The following LYPD6 variants were observed in gnomAD, a reference collection of about 807,000 sequenced individuals.
The protein encoded by LYPD6 is LY6/PLAUR domain containing 6.
In LYPD6, 15 loss-of-function variants were observed where a neutral mutation model predicts 22.7. The observed-to-expected ratio is 0.66, with a 90% confidence interval of 0.44 to 1.02. The LOEUF (loss-of-function observed/expected upper bound fraction) is 1.02. LYPD6 is among the 50% of genes least tolerant of loss of function. The pLI, the probability that LYPD6 is intolerant of heterozygous loss-of-function variation, is 0.00. For missense variants in LYPD6, 189 were observed against 208.4 expected (o/e 0.91, Z 0.57); for synonymous variants, 72 against 77.5 (o/e 0.93, Z 0.37).
intron 2 of LYPD6, among the ~76,000 whole-genome samples, chr2:149,440,693 C>CTTTTTTTTT (rs764789006): frequency 3.3e-5 from 3 of 91,066 alleles, no homozygotes; most frequent in Non-Finnish European, 5.9e-5. Context: ...TTCTGTCCAC[C>CTTTTTTTTT]TTTTTTTTTT....
intron 1 of LYPD6, among the ~76,000 whole-genome samples, chr2:149,378,267 G>A (rs755114837): frequency 3.9e-5 from 6 of 152,078 alleles, no homozygotes; most frequent in Non-Finnish European, 8.8e-5. Flanking sequence ...ACAGGTGCCT[G>A]CCACCACGCC....
chr2:149,469,183 T>G (rs1324356835), intron 4 of LYPD6, among the ~76,000 whole-genome samples: 2 of 152,192 alleles, frequency 1.3e-5, no homozygotes, highest in African/African-American at 4.8e-5. Flanking sequence ...GTAGGGCTCA[T>G]GTTGTGACTG....
At chr2:149,405,478 A>G (rs1450410092) in intron 1 of LYPD6, among the ~76,000 whole-genome samples, 4 of 152,084 alleles carry the variant, frequency 2.6e-5, no homozygotes, top group Non-Finnish European at 4.4e-5. Flanking sequence ...TGTATGTGTC[A>G]AGGAATTTAT....
At chr2:149,392,490 C>T (rs1168606800) in intron 1 of LYPD6, among the ~76,000 whole-genome samples, 1 of 152,162 alleles carries the variant, frequency 6.6e-6, no homozygotes, top group Non-Finnish European at 1.5e-5. Context: ...CATAACTCAG[C>T]TCTTCTCTCA....
the LYPD6 span, among the ~76,000 whole-genome samples, chr2:149,481,130 A>T: frequency 1.3e-5 from 2 of 152,206 alleles, no homozygotes; most frequent in African/African-American, 2.4e-5. Context: ...CAGCATGGAG[A>T]ATAGTGCCTG....
Position 149,423,127 on chromosome 2 carries a change from G to A in LYPD6, c.-71-14511G>A, listed in dbSNP as rs114324662. On this transcript the variant is annotated intron_variant, in intron 1 of 4. Transcript: ENST00000334166. Reference sequence around the variant, plus strand: ...TAACCATCTGCCCCCACAGGGCAAGGAGGTACAGGGTGACCTCATATGTAC... The same window carrying A: ...TAACCATCTGCCCCCACAGGGCAAGAAGGTACAGGGTGACCTCATATGTAC... 7.9e-3 allele frequency among the ~76,000 whole-genome samples: 1,200 copies of A among 152,112 alleles called. 8 individuals are homozygous for A. The highest frequency in any genetic ancestry group is 0.028 in the African/African-American group (1,159 of 41,450).
intron 1 of LYPD6, among the ~76,000 whole-genome samples, chr2:149,352,702 G>A (rs1325313386): frequency 6.6e-6 from 1 of 152,232 alleles, no homozygotes; most frequent in Non-Finnish European, 1.5e-5. Context: ...TGGTAAAAGT[G>A]TGTAATTGGG....
chr2:149,380,403 C>T (rs1018347087), intron 1 of LYPD6, among the ~76,000 whole-genome samples: 9 of 152,108 alleles, frequency 5.9e-5, no homozygotes, highest in African/African-American at 1.4e-4. Context: ...GAGGCTTATG[C>T]GACATTCCAG....
At chr2:149,382,574 C>T (rs966727461) in intron 1 of LYPD6, among the ~76,000 whole-genome samples, 6 of 152,206 alleles carry the variant, frequency 3.9e-5, no homozygotes, top group South Asian at 2.1e-4. Flanking sequence ...CTCATGTTGA[C>T]GTCAGTCAGC....
intron 1 of LYPD6, among the ~76,000 whole-genome samples, chr2:149,366,077 T>G (rs937477024): frequency 7.9e-5 from 12 of 152,234 alleles, no homozygotes; most frequent in African/African-American, 2.7e-4. Context: ...TTATTCAAAC[T>G]TGCATTCTGT....
chr2:149,353,348 A>G (rs1036251868), intron 1 of LYPD6, among the ~76,000 whole-genome samples: 1 of 152,248 alleles, frequency 6.6e-6, no homozygotes, highest in African/African-American at 2.4e-5. Flanking sequence ...CTGTATTTGT[A>G]GGAGATGCAA....
intron 3 of LYPD6, among the ~76,000 whole-genome samples, chr2:149,457,958 G>A (rs774658436): frequency 1.8e-4 from 27 of 152,248 alleles, no homozygotes; most frequent in Non-Finnish European, 3.2e-4. Flanking sequence ...AATGCCATAG[G>A]CACTGGCAAA....
At chr2:149,354,883 A>G (rs774136993) in intron 1 of LYPD6, among the ~76,000 whole-genome samples, 33 of 152,210 alleles carry the variant, frequency 2.2e-4, no homozygotes, top group Admixed American at 9.8e-4. Context: ...TCCTGTACTC[A>G]CTCACAATGT....
At chr2:149,409,229 A>G (rs896257442) in intron 1 of LYPD6, among the ~76,000 whole-genome samples, 1 of 152,142 alleles carries the variant, frequency 6.6e-6, no homozygotes, top group African/African-American at 2.4e-5. Context: ...GGTACTGTGT[A>G]GTGTCTGCAG....
chr2:149,409,324 G>A (rs1334967207), intron 1 of LYPD6, among the ~76,000 whole-genome samples: 1 of 152,198 alleles, frequency 6.6e-6, no homozygotes, highest in African/African-American at 2.4e-5. Context: ...GAGTGATGTG[G>A]ACTCTGAGGG....
chr2:149,356,850 G>A (rs1454460010), intron 1 of LYPD6, among the ~76,000 whole-genome samples: 1 of 152,090 alleles, frequency 6.6e-6, no homozygotes, highest in Non-Finnish European at 1.5e-5. Context: ...CTTTATGTAT[G>A]TATAACATAT....
intron 1 of LYPD6, among the ~76,000 whole-genome samples, chr2:149,345,429 C>T (rs1488555852): frequency 1.5e-4 from 22 of 151,150 alleles, no homozygotes; most frequent in Admixed American, 1.4e-3. Flanking sequence ...GCCTCAGCCT[C>T]CCGAGTAGCT....
intron 1 of LYPD6, among the ~76,000 whole-genome samples, chr2:149,341,147 G>T (rs1324091368): frequency 6.6e-6 from 1 of 152,026 alleles, no homozygotes; most frequent in Non-Finnish European, 1.5e-5. Flanking sequence ...CTTTTGTTGA[G>T]TTCTTTTAAT....
At chr2:149,439,706 G>C (rs879583985) in intron 2 of LYPD6, among the ~76,000 whole-genome samples, 12 of 152,208 alleles carry the variant, frequency 7.9e-5, no homozygotes, top group Admixed American at 2.6e-4. Context: ...AATTTCAGAA[G>C]GAGGTCTTGA....
Sources: allele counts gnomAD v4.1 joint callset (sites outside exome capture counted in the v4.1 genomes callset), GRCh38; gene constraint gnomAD v4.1.1; transcripts MANE v1.5; gene names NCBI Gene and HGNC (gene_info 2026-07-23, HGNC 2026-07-21).